Variants in NUP98 observed in about 807,000 individuals in gnomAD.
NUP98 encodes the protein nuclear pore complex protein Nup98-Nup96.
Under a neutral mutation model 191.9 loss-of-function variants are expected in NUP98, and 26 were observed. That is an observed-to-expected ratio of 0.14 (90% CI 0.10 to 0.19). The LOEUF (loss-of-function observed/expected upper bound fraction) is 0.19. NUP98 is among the 10% of genes least tolerant of loss of function. The probability of loss-of-function intolerance (pLI) is 1.00; values close to 1 mark genes in which losing one functional copy is unlikely to be tolerated. For missense variants in NUP98, 1,941 were observed against 2,178.8 expected (o/e 0.89, Z 2.17); for synonymous variants, 808 against 778.4 (o/e 1.04, Z -0.63).
chr11:3,695,301 T>G (rs757152900), intron 26 of NUP98, 148 bp downstream of exon 26: 31 of 636,406 alleles, frequency 4.9e-5, no homozygotes, highest in Non-Finnish European at 7.4e-5. Context: ...TGTGCATGCC[T>G]GCCTTTATAA....
At chr11:3,789,726 C>T (rs1196236727) in intron 1 of NUP98, among the ~76,000 whole-genome samples, 1 of 151,894 alleles carries the variant, frequency 6.6e-6, no homozygotes, top group Admixed American at 6.6e-5. Context: ...CTGCTTTGGC[C>T]TCCTAAAGTG....
At chr11:3,734,745 T>G (rs1229650436) in intron 13 of NUP98, among the ~76,000 whole-genome samples, 1 of 152,174 alleles carries the variant, frequency 6.6e-6, no homozygotes, top group Non-Finnish European at 1.5e-5. Flanking sequence ...AAAGTCAGCC[T>G]CTCTAAGCCT....
At chr11:3,709,542 CAATA>C (rs1307719577) in intron 20 of NUP98, among the ~76,000 whole-genome samples, 3 of 151,568 alleles carry the variant, frequency 2.0e-5, no homozygotes, top group African/African-American at 4.9e-5. Flanking sequence ...GTCTCTAAAA[CAATA>C]AATAAATAAA....
At position 3,675,399 on chromosome 11, in the gene NUP98, G is replaced by C. The variant is rs2077775468; in HGVS notation, c.*760C>G. On this transcript the variant is annotated 3_prime_UTR_variant, in exon 33 of 33. Transcript: ENST00000324932. ...TGCCATTTTTTATCCAAACTCTGCA[G>C]GCAAATCCAGACAGAGTCTCAGCAA... is the stretch of plus-strand genomic sequence containing the variant. 2 of 224,846 alleles carry C rather than the reference G, an allele frequency of 8.9e-6. No homozygotes were observed. The highest frequency in any genetic ancestry group is 2.3e-5 in the African/African-American group (1 of 44,128). The allele number at this position is 224,846 out of a possible 1,614,324, so 13.9% of individuals were successfully genotyped here.
chr11:3,677,362 G>A (rs2077847096), intron 31 of NUP98, among the ~76,000 whole-genome samples: 1 of 151,486 alleles, frequency 6.6e-6, no homozygotes, highest in Non-Finnish European at 1.5e-5. Flanking sequence ...GTAGGGTAAG[G>A]AGAAGAAGCA....
chr11:3,761,321 A>C (rs973685197), intron 9 of NUP98, among the ~76,000 whole-genome samples: 2 of 152,172 alleles, frequency 1.3e-5, no homozygotes, highest in Admixed American at 1.3e-4. Flanking sequence ...TACATCAATA[A>C]ATCTGTCACT....
intron 18 of NUP98, 70 bp downstream of exon 18, chr11:3,719,342 C>T: frequency 7.8e-7 from 1 of 1,274,262 alleles, no homozygotes; most frequent in South Asian, 1.4e-5. Context: ...TACATCTAAA[C>T]ACATTTATGT....
Position 3,797,550 on chromosome 11 carries a change from AC to A in NUP98, c.-180del, listed in dbSNP as rs2082739699. The A allele has an allele frequency of 2.1e-6, 1 of 482,492 alleles. No homozygotes were observed. The highest frequency in any genetic ancestry group is 3.6e-6 in the Non-Finnish European group (1 of 275,608). 29.9% of individuals were successfully genotyped at this position (482,492 alleles called of 1,614,324 possible). ...TCGGGCGCAGCGCGCAGAGGGCCCG[AC>A]TGCGTCACACGCCGCCCGGCGTCAG... is the stretch of plus-strand genomic sequence containing the variant. On this transcript the variant is annotated 5_prime_UTR_variant, in exon 1 of 33. Coordinates refer to ENST00000324932, the MANE Select transcript of NUP98 (RefSeq NM_016320.5).
At chr11:3,687,695 C>T (rs1209180030) in intron 28 of NUP98, among the ~76,000 whole-genome samples, 1 of 152,118 alleles carries the variant, frequency 6.6e-6, no homozygotes, top group Non-Finnish European at 1.5e-5. Context: ...AAGAAAGAGA[C>T]GTTGTTAAAG....
chr11:3,682,295 A>G (rs935152702), intron 30 of NUP98, among the ~76,000 whole-genome samples: 1 of 152,166 alleles, frequency 6.6e-6, no homozygotes, highest in African/African-American at 2.4e-5. Flanking sequence ...TCCTTCAAGA[A>G]CTTTCCTTTA....
At chr11:3,769,838 T>C (rs941652964) in intron 7 of NUP98, among the ~76,000 whole-genome samples, 1 of 147,052 alleles carries the variant, frequency 6.8e-6, no homozygotes, top group Admixed American at 6.8e-5. Context: ...AGGTCTGGAG[T>C]TCAGATCAGC....
At chr11:3,678,122 A>C (rs1423191614) in intron 31 of NUP98, among the ~76,000 whole-genome samples, 3 of 150,456 alleles carry the variant, frequency 2.0e-5, no homozygotes, top group African/African-American at 7.4e-5. Context: ...TGGGTGACAG[A>C]GTAAAACTCT....
At chr11:3,748,475 C>T (rs2134407859) in intron 11 of NUP98, among the ~76,000 whole-genome samples, 1 of 150,968 alleles carries the variant, frequency 6.6e-6, no homozygotes, top group East Asian at 2.0e-4. Flanking sequence ...GAGCCGAGAT[C>T]ACACCACTAC....
chr11:3,793,884 G>C (rs1487009854), intron 1 of NUP98, among the ~76,000 whole-genome samples: 2 of 152,080 alleles, frequency 1.3e-5, no homozygotes, highest in Non-Finnish European at 2.9e-5. Context: ...CAAGAGAATT[G>C]CTTGAACCCA....
rs923712422 is a variant in NUP98 at position 3,685,986 on chromosome 11, T to C, written c.4663A>G (p.Ile1555Val). 23 of 1,613,962 alleles carry C rather than the reference T, an allele frequency of 1.4e-5. No homozygotes were observed. Among genetic ancestry groups the C allele is most frequent in the Non-Finnish European group, 1.8e-5 (21 of 1,180,012 alleles). Residue 1555 changes from isoleucine to valine, a missense_variant, in exon 29 of 33, where the codon ATT becomes GTT. By Grantham distance (29) the Ile-to-Val change is conservative. Around this residue, in one of 6 missense-constraint regions of NUP98, gnomAD observed 1,030 missense variants for 1,115.8 expected, o/e 0.92. Transcript: ENST00000324932. ...CTTCTCACTCACCCTGAGTTGTCAA[T>C]GTGCAGGAGGACAAAGATGGCCCAC... ...WEWAIFVLLH[I>V]DNSGIREKAV...
chr11:3,738,088 A>AC (rs1491544385), intron 12 of NUP98, among the ~76,000 whole-genome samples: 1 of 81,850 alleles, frequency 1.2e-5, no homozygotes, highest in Non-Finnish European at 2.7e-5. Context: ...GGGCGTTCTC[A>AC]AAAAAAAAAA....
chr11:3,704,404 G>T (rs1270990906), intron 22 of NUP98, among the ~76,000 whole-genome samples: 1 of 152,140 alleles, frequency 6.6e-6, no homozygotes, highest in Non-Finnish European at 1.5e-5. Flanking sequence ...AATCAAATAT[G>T]TAATCACTTC....
chr11:3,719,371 T>C, intron 18 of NUP98, 41 bp downstream of exon 18: 1 of 1,544,900 alleles, frequency 6.5e-7, no homozygotes, highest in Non-Finnish European at 8.7e-7. Context: ...AAAAAAATTG[T>C]GATTTAGCTG....
intron 31 of NUP98, among the ~76,000 whole-genome samples, chr11:3,678,313 T>C (rs2077882492): frequency 1.3e-5 from 2 of 152,322 alleles, no homozygotes; most frequent in East Asian, 1.9e-4. Context: ...CAAGATTACA[T>C]AGCCAGTGAA....
Sources: allele counts gnomAD v4.1 joint callset (sites outside exome capture counted in the v4.1 genomes callset), GRCh38; gene constraint gnomAD v4.1.1; regional missense constraint gnomAD v4.1.1; transcripts MANE v1.5; gene names NCBI Gene and HGNC (gene_info 2026-07-23, HGNC 2026-07-21).